The following TTC29 variants were observed in gnomAD, a reference collection of about 807,000 sequenced individuals.
The protein encoded by TTC29 is tetratricopeptide repeat protein 29.
A neutral mutation model predicts 58.1 loss-of-function variants in TTC29; 49 were observed. The observed-to-expected ratio is 0.84, with a 90% CI of 0.67 to 1.07. The LOEUF is 1.07. Among genes scored for constraint, TTC29 ranks in the 50% least tolerant of loss-of-function variants. The pLI, the probability that TTC29 is intolerant of heterozygous loss-of-function variation, is 0.00. For synonymous variants in TTC29, 209 were observed against 196.8 expected (o/e 1.06, Z -0.52); for missense variants, 582 against 555.6 (o/e 1.05, Z -0.48).
chr4:146,830,980 T>C (rs1484173299), intron 9 of TTC29, among the ~76,000 whole-genome samples: 2 of 152,206 alleles, frequency 1.3e-5, no homozygotes, highest in South Asian at 2.1e-4. Context: ...TGCCTGTTAG[T>C]AGATCACTTT....
At chr4:146,882,668 A>G (rs1731709190) in intron 6 of TTC29, among the ~76,000 whole-genome samples, 2 of 152,038 alleles carry the variant, frequency 1.3e-5, no homozygotes, top group South Asian at 4.1e-4. Context: ...ACTCAATTTG[A>G]TTTCTATATG....
At chr4:146,807,783 G>A (rs1405368034) in intron 10 of TTC29, among the ~76,000 whole-genome samples, 1 of 152,102 alleles carries the variant, frequency 6.6e-6, no homozygotes, top group Non-Finnish European at 1.5e-5. Context: ...GGACCAGACA[G>A]ATCCACAGCC....
At chr4:146,741,948 A>C (rs1383993657) in intron 11 of TTC29, among the ~76,000 whole-genome samples, 1 of 152,178 alleles carries the variant, frequency 6.6e-6, no homozygotes, top group African/African-American at 2.4e-5. Flanking sequence ...GAACTTTATC[A>C]CAATGGGAGT....
intron 11 of TTC29, among the ~76,000 whole-genome samples, chr4:146,771,760 C>T (rs947433444): frequency 6.6e-6 from 1 of 151,984 alleles, no homozygotes; most frequent in Non-Finnish European, 1.5e-5. Flanking sequence ...ATTTATATTC[C>T]TTTGGGTATA....
intron 11 of TTC29, among the ~76,000 whole-genome samples, chr4:146,721,960 A>G (rs1743391472): frequency 6.6e-6 from 1 of 152,192 alleles, no homozygotes; most frequent in African/African-American, 2.4e-5. Context: ...AACTTCAGTA[A>G]AGTTTCAGGA....
At chr4:146,903,756 T>G in intron 5 of TTC29, 27 bp from the exon 6 acceptor site, 1 of 1,515,828 alleles carries the variant, frequency 6.6e-7, no homozygotes, top group Non-Finnish European at 8.9e-7. Flanking sequence ...GCACCATGAA[T>G]GGCATTAGAA....
chr4:146,746,095 G>T (rs1025066887), intron 11 of TTC29, among the ~76,000 whole-genome samples: 1 of 152,178 alleles, frequency 6.6e-6, no homozygotes, highest in Non-Finnish European at 1.5e-5. Flanking sequence ...CTCCTAGAGT[G>T]AGTGGAGTTT....
intron 4 of TTC29, among the ~76,000 whole-genome samples, chr4:146,915,575 C>T (rs1270870252): frequency 6.6e-6 from 1 of 151,936 alleles, no homozygotes; most frequent in Admixed American, 6.6e-5. Flanking sequence ...AAAGCATATA[C>T]TTCTATAAAT....
intron 11 of TTC29, among the ~76,000 whole-genome samples, chr4:146,709,812 G>A (rs757585257): frequency 5.3e-4 from 80 of 152,180 alleles, no homozygotes; most frequent in Middle Eastern, 3.4e-3. Flanking sequence ...TGACAATAGG[G>A]AAAATTGTCC....
intron 5 of TTC29, among the ~76,000 whole-genome samples, chr4:146,904,527 C>T (rs998215703): frequency 2.0e-5 from 3 of 152,010 alleles, no homozygotes; most frequent in African/African-American, 4.8e-5. Flanking sequence ...TAAACCTGAA[C>T]GAATATGTCT....
Position 146,833,787 on chromosome 4 carries a change from T to A in TTC29, c.977+19A>T, listed in dbSNP as rs12506386. On this transcript the variant is annotated intron_variant, in intron 9 of 12. Transcript: ENST00000325106. ...GAGTGAATTCACAGTGACAGCAAGA[T>A]GAGAATGTGCTAACTTACCTCTGCA... 1.9e-6 allele frequency: 3 copies of A among 1,594,318 alleles called. No individual in the cohort carries two copies. The highest frequency in any genetic ancestry group is 1.7e-6 in the Non-Finnish European group (2 of 1,162,812).
intron 11 of TTC29, among the ~76,000 whole-genome samples, chr4:146,726,795 A>C (rs1743815695): frequency 6.6e-6 from 1 of 152,276 alleles, no homozygotes. Flanking sequence ...ACATTATTAC[A>C]GAACTTTATT....
At chr4:146,784,875 C>G (rs1748893992) in intron 11 of TTC29, among the ~76,000 whole-genome samples, 1 of 151,944 alleles carries the variant, frequency 6.6e-6, no homozygotes. Flanking sequence ...TTAAGGTCTA[C>G]CAAATGATAT....
Position 146,868,380 on chromosome 4 carries a change from A to T in TTC29, c.800-797T>A, listed in dbSNP as rs74575623. 1.0e-3 allele frequency among the ~76,000 whole-genome samples: 156 copies of T among 152,264 alleles called. 3 individuals carry two copies. In the East Asian group the frequency reaches 0.014, roughly 13 times the overall value. Reference sequence around the variant, plus strand: ...TAAAACTTAAAGTATAATAATAATTAAAAAAAGCTATTGATTAAAGAATAG... The same window carrying T: ...TAAAACTTAAAGTATAATAATAATTTAAAAAAGCTATTGATTAAAGAATAG... On this transcript the variant is annotated intron_variant, in intron 7 of 12. Transcript: ENST00000325106.
At chr4:146,715,567 C>T (rs1023756713) in intron 11 of TTC29, among the ~76,000 whole-genome samples, 5 of 151,872 alleles carry the variant, frequency 3.3e-5, no homozygotes, top group Non-Finnish European at 7.4e-5. Flanking sequence ...ATAATTCCAG[C>T]TCTTGGAAGT....
At chr4:146,914,876 A>T (rs1734119083) in intron 4 of TTC29, among the ~76,000 whole-genome samples, 1 of 152,170 alleles carries the variant, frequency 6.6e-6, no homozygotes, top group Non-Finnish European at 1.5e-5. Context: ...ACAATATGGC[A>T]TAACTCCACA....
At chr4:146,929,662 G>A (rs929078045) in intron 4 of TTC29, among the ~76,000 whole-genome samples, 1 of 152,090 alleles carries the variant, frequency 6.6e-6, no homozygotes, top group Non-Finnish European at 1.5e-5. Flanking sequence ...ATATACTGAT[G>A]TTGGTTAATA....
intron 11 of TTC29, among the ~76,000 whole-genome samples, chr4:146,753,015 C>A (rs887222768): frequency 2.6e-5 from 4 of 152,012 alleles, no homozygotes; most frequent in African/African-American, 9.7e-5. Context: ...TCTAAAAAAC[C>A]AAAAGCAATG....
intron 2 of TTC29, among the ~76,000 whole-genome samples, chr4:146,940,202 G>A (rs1187467722): frequency 1.3e-5 from 2 of 152,198 alleles, no homozygotes; most frequent in African/African-American, 2.4e-5. Context: ...TTTGGTAAGA[G>A]TTTTGTAAGG....
Sources: gnomAD v4.1 joint callset for allele counts (sites outside exome capture counted in the v4.1 genomes callset) on GRCh38, gnomAD v4.1.1 for gene constraint, MANE v1.5 for transcripts, NCBI Gene and HGNC (gene_info 2026-07-23, HGNC 2026-07-21) for gene names.